The following TBC1D22A variants were observed in gnomAD, a reference collection of about 807,000 sequenced individuals.
The protein encoded by TBC1D22A is TBC1 domain family member 22A.
In TBC1D22A, 38 loss-of-function variants were observed where a neutral mutation model predicts 60.2. The observed-to-expected ratio is 0.63, with a 90% confidence interval of 0.49 to 0.83. The LOEUF (loss-of-function observed/expected upper bound fraction) is 0.83, where lower values mean the gene tolerates loss of function less well. Among genes scored for constraint, TBC1D22A ranks in the 40% least tolerant of loss-of-function variants. The pLI, the probability that TBC1D22A is intolerant of heterozygous loss-of-function variation, is 0.00. For synonymous variants in TBC1D22A, 302 were observed against 281.7 expected, an observed-to-expected ratio of 1.07 and a Z score of -0.72; for missense variants, 628 against 701.0, an observed-to-expected ratio of 0.90 and a Z score of 1.18.
chr22:47,122,812 C>T (rs1017324167), intron 12 of TBC1D22A, among the ~76,000 whole-genome samples: 4 of 152,204 alleles, frequency 2.6e-5, no homozygotes, highest in African/African-American at 4.8e-5. Context: ...AAGCTGGTGC[C>T]AGGGTGTGCC....
intron 11 of TBC1D22A, among the ~76,000 whole-genome samples, chr22:47,098,011 C>A (rs1158104566): frequency 6.6e-6 from 1 of 151,634 alleles, no homozygotes; most frequent in Admixed American, 6.6e-5. Context: ...TGGAGCAGCT[C>A]TCATGGCATG....
intron 4 of TBC1D22A, among the ~76,000 whole-genome samples, chr22:46,826,156 TAGGCGTGAGCCACCAC>T (rs1373531770): frequency 1.3e-5 from 2 of 152,022 alleles, no homozygotes; most frequent in Non-Finnish European, 2.9e-5. Context: ...GCTGGGATTA[TAGGCGTGAGCCACCAC>T]ACCCAGCTGG....
At chr22:46,941,029 G>A (rs1377610345) in intron 8 of TBC1D22A, among the ~76,000 whole-genome samples, 8 of 141,836 alleles carry the variant, frequency 5.6e-5, no homozygotes, top group Non-Finnish European at 1.1e-4. Context: ...TGAACAGCAT[G>A]GAGGCTGGGG....
At position 46,884,333 on chromosome 22, in the gene TBC1D22A, C is replaced by T. The variant is rs2068002183; in HGVS notation, c.708+5610C>T. On this transcript the variant is annotated intron_variant, in intron 5 of 12. Coordinates refer to ENST00000337137, the MANE Select transcript of TBC1D22A (RefSeq NM_014346.5). ...AGCAAGGGAGGCAGCTAAGCAGGTG[C>T]CTGGGGGTGCATTCCTGTCTGGTTC... Among the ~76,000 whole-genome samples, 3 of 152,230 alleles carry T rather than the reference C, an allele frequency of 2.0e-5. No homozygotes were observed. In the South Asian group the frequency reaches 6.2e-4, roughly 32 times the overall value.
intron 11 of TBC1D22A, among the ~76,000 whole-genome samples, chr22:47,044,938 G>A (rs188863258): frequency 4.1e-4 from 63 of 152,342 alleles, no homozygotes; most frequent in Non-Finnish European, 8.2e-4. Flanking sequence ...CAGGCCTGGC[G>A]TGCTCCAGCA....
At chr22:46,799,977 G>A (rs908185753) in intron 4 of TBC1D22A, among the ~76,000 whole-genome samples, 2 of 152,142 alleles carry the variant, frequency 1.3e-5, no homozygotes, top group Admixed American at 1.3e-4. Flanking sequence ...AGATGCTCTG[G>A]GGTCTGTGCA....
intron 11 of TBC1D22A, among the ~76,000 whole-genome samples, chr22:47,049,100 G>A (rs1204407735): frequency 6.6e-6 from 1 of 152,204 alleles, no homozygotes; most frequent in Non-Finnish European, 1.5e-5. Flanking sequence ...AGAGGAGGCC[G>A]GCGCTCCACC....
intron 9 of TBC1D22A, among the ~76,000 whole-genome samples, chr22:46,989,888 T>C (rs1485419760): frequency 6.6e-6 from 1 of 152,144 alleles, no homozygotes; most frequent in African/African-American, 2.4e-5. Context: ...CTGCAACCTC[T>C]GTCTCCCAGG....
chr22:46,861,694 C>G (rs1051653881), intron 4 of TBC1D22A, among the ~76,000 whole-genome samples: 60 of 152,360 alleles, frequency 3.9e-4, no homozygotes, highest in Non-Finnish European at 3.4e-4. Flanking sequence ...TCACTCATGT[C>G]CCCCCGCTCA....
At chr22:47,029,264 A>G (rs994572691) in intron 10 of TBC1D22A, among the ~76,000 whole-genome samples, 2 of 149,796 alleles carry the variant, frequency 1.3e-5, no homozygotes, top group Non-Finnish European at 3.0e-5. Context: ...ACCCCTTCCC[A>G]TGGGGCCCAG....
chr22:46,928,716 A>G (rs2071185585), intron 8 of TBC1D22A, among the ~76,000 whole-genome samples: 1 of 152,278 alleles, frequency 6.6e-6, no homozygotes, highest in Non-Finnish European at 1.5e-5. Flanking sequence ...ACAACTCAGT[A>G]TTAAGACAAA....
intron 8 of TBC1D22A, among the ~76,000 whole-genome samples, chr22:46,922,199 G>T (rs926685022): frequency 1.3e-5 from 2 of 152,164 alleles, no homozygotes; most frequent in Non-Finnish European, 2.9e-5. Context: ...GGCTGTAAAT[G>T]TGTGGCTTTA....
chr22:47,098,314 G>C (rs2065263293), intron 11 of TBC1D22A, among the ~76,000 whole-genome samples: 1 of 152,216 alleles, frequency 6.6e-6, no homozygotes, highest in African/African-American at 2.4e-5. Flanking sequence ...CGTTTTAAGA[G>C]GAGATTCTTC....
At chr22:46,835,770 A>G (rs1371093722) in intron 4 of TBC1D22A, among the ~76,000 whole-genome samples, 12 of 152,232 alleles carry the variant, frequency 7.9e-5, no homozygotes, top group Non-Finnish European at 5.9e-5. Flanking sequence ...GAAAAAGTCT[A>G]TACTGAAACA....
chr22:46,902,123 A>G (rs1410887996), intron 7 of TBC1D22A, among the ~76,000 whole-genome samples: 1 of 152,340 alleles, frequency 6.6e-6, no homozygotes, highest in East Asian at 1.9e-4. Flanking sequence ...AGGGGACCTC[A>G]AGCCCCTCCT....
chr22:47,057,695 G>A (rs531337166), intron 11 of TBC1D22A, among the ~76,000 whole-genome samples: 3 of 152,158 alleles, frequency 2.0e-5, no homozygotes, highest in Non-Finnish European at 4.4e-5. Flanking sequence ...TTATAAAACC[G>A]TCAGATCTCA....
intron 10 of TBC1D22A, among the ~76,000 whole-genome samples, chr22:47,013,771 C>T (rs149364644): frequency 6.2e-4 from 95 of 152,328 alleles, no homozygotes; most frequent in African/African-American, 2.1e-3. Flanking sequence ...TCTTTCTACT[C>T]CTCTCTACCC....
intron 9 of TBC1D22A, among the ~76,000 whole-genome samples, chr22:46,991,286 G>A (rs2148208075): frequency 6.6e-6 from 1 of 152,292 alleles, no homozygotes; most frequent in South Asian, 2.1e-4. Context: ...ATGCTGCCGA[G>A]CCCCGTCCTT....
intron 12 of TBC1D22A, among the ~76,000 whole-genome samples, chr22:47,148,180 G>T (rs967802803): frequency 1.3e-5 from 2 of 152,052 alleles, no homozygotes; most frequent in Admixed American, 6.5e-5. Context: ...CCACCCCATC[G>T]GACAGGTGGG....
Sources: gnomAD v4.1 joint callset for allele counts (sites outside exome capture counted in the v4.1 genomes callset) on GRCh38, gnomAD v4.1.1 for gene constraint, MANE v1.5 for transcripts, NCBI Gene and HGNC (gene_info 2026-07-23, HGNC 2026-07-21) for gene names.